The following PCCA variants were observed in gnomAD, a reference collection of about 807,000 sequenced individuals.
PCCA encodes the protein propionyl-CoA carboxylase alpha chain, mitochondrial.
A neutral mutation model predicts 101.3 loss-of-function variants in PCCA; 74 were observed. The observed-to-expected ratio is 0.73, with a 90% confidence interval of 0.61 to 0.89. The LOEUF (loss-of-function observed/expected upper bound fraction) is 0.89, where lower values mean the gene tolerates loss of function less well. Ranked by LOEUF, PCCA falls within the 40% of genes least tolerant of loss-of-function variation. The probability of loss-of-function intolerance (pLI) is 0.00; values close to 1 mark genes in which losing one functional copy is unlikely to be tolerated. For synonymous variants in PCCA, 294 were observed against 313.6 expected, an observed-to-expected ratio of 0.94 and a Z score of 0.66; for missense variants, 891 against 907.0, an observed-to-expected ratio of 0.98 and a Z score of 0.23.
At chr13:100,450,640 C>T (rs150967459) in intron 21 of PCCA, among the ~76,000 whole-genome samples, 2 of 151,886 alleles carry the variant, frequency 1.3e-5, no homozygotes, top group East Asian at 1.9e-4. Context: ...AGAGAGCTTG[C>T]GTGAAAAAGG....
intron 18 of PCCA, among the ~76,000 whole-genome samples, chr13:100,367,332 G>C (rs1041307030): frequency 6.6e-6 from 1 of 151,968 alleles, no homozygotes; most frequent in African/African-American, 2.4e-5. Flanking sequence ...CCTTTCTGGG[G>C]GGTTTTAGGT....
At chr13:100,380,131 G>A (rs1351464530) in intron 19 of PCCA, among the ~76,000 whole-genome samples, 1 of 152,126 alleles carries the variant, frequency 6.6e-6, no homozygotes, top group Non-Finnish European at 1.5e-5. Context: ...GGAGGCCAAG[G>A]CAGGAGGATG....
intron 18 of PCCA, among the ~76,000 whole-genome samples, chr13:100,357,151 A>C (rs1005630283): frequency 6.6e-6 from 1 of 152,204 alleles, no homozygotes. Context: ...ACTATACTAA[A>C]AACCATTAAC....
chr13:100,428,544 A>G (rs1484763195), intron 20 of PCCA, among the ~76,000 whole-genome samples: 3 of 152,044 alleles, frequency 2.0e-5, no homozygotes, highest in Admixed American at 2.0e-4. Context: ...ACTATGCTAT[A>G]GTACTTTGCG....
At chr13:100,186,612 C>T (rs535333593) in intron 6 of PCCA, among the ~76,000 whole-genome samples, 1 of 151,780 alleles carries the variant, frequency 6.6e-6, no homozygotes, top group South Asian at 2.1e-4. Context: ...TGTGGTGGCA[C>T]GTGCCTGTAG....
At chr13:100,304,306 G>C (rs1011655946) in intron 14 of PCCA, among the ~76,000 whole-genome samples, 1 of 152,242 alleles carries the variant, frequency 6.6e-6, no homozygotes, top group African/African-American at 2.4e-5. Flanking sequence ...AATGTTGCAT[G>C]TCAGCTAAAT....
intron 1 of PCCA, among the ~76,000 whole-genome samples, chr13:100,093,531 T>TC (rs2046465855): frequency 6.6e-6 from 1 of 152,148 alleles, no homozygotes; most frequent in Admixed American, 6.5e-5. Flanking sequence ...TTTTCTAAGT[T>TC]CCAGGTACTA....
At chr13:100,257,142 C>G (rs2062129249) in intron 8 of PCCA, among the ~76,000 whole-genome samples, 1 of 152,168 alleles carries the variant, frequency 6.6e-6, no homozygotes, top group African/African-American at 2.4e-5. Flanking sequence ...TAGGGGTTGT[C>G]TGTGACTCTT....
chr13:100,435,981 T>G (rs1214145425), intron 20 of PCCA, among the ~76,000 whole-genome samples: 1 of 151,758 alleles, frequency 6.6e-6, no homozygotes, highest in East Asian at 1.9e-4. Context: ...AGGTGGAGGT[T>G]GCAGTGAGCT....
intron 12 of PCCA, among the ~76,000 whole-genome samples, 162 bp downstream of exon 12, chr13:100,273,508 A>G (rs1378039338): frequency 2.6e-5 from 4 of 152,244 alleles, no homozygotes; most frequent in African/African-American, 7.2e-5. Flanking sequence ...AATGACGGAT[A>G]GTATCCCTCT....
chr13:100,524,033 C>T (rs1054785640), intron 22 of PCCA, among the ~76,000 whole-genome samples: 4 of 152,238 alleles, frequency 2.6e-5, no homozygotes, highest in African/African-American at 9.6e-5. Flanking sequence ...GGTGTTGCTT[C>T]CATTGGGCCC....
chr13:100,273,053 T>C, intron 11 of PCCA, 143 bp from the exon 12 acceptor site: 1 of 642,400 alleles, frequency 1.6e-6, no homozygotes, highest in Non-Finnish European at 2.8e-6. Context: ...ATAAAACATA[T>C]ATAAAGCACA....
intron 19 of PCCA, among the ~76,000 whole-genome samples, chr13:100,388,908 G>C (rs1477062262): frequency 6.6e-6 from 1 of 152,142 alleles, no homozygotes; most frequent in Non-Finnish European, 1.5e-5. Context: ...AAATGCCTTG[G>C]CTGAGTGACT....
At chr13:100,409,497 A>G (rs953753602) in intron 19 of PCCA, among the ~76,000 whole-genome samples, 5 of 152,166 alleles carry the variant, frequency 3.3e-5, no homozygotes, top group African/African-American at 1.2e-4. Flanking sequence ...CTTCTCACCC[A>G]CAGCTTAAAT....
At chr13:100,468,646 T>C (rs997836503) in intron 21 of PCCA, among the ~76,000 whole-genome samples, 4 of 152,136 alleles carry the variant, frequency 2.6e-5, no homozygotes, top group African/African-American at 9.7e-5. Context: ...TCATCCTGTG[T>C]AGAATTGAAG....
chr13:100,257,576 A>T lies in PCCA; in HGVS notation c.638-19A>T. 6.3e-7 allele frequency: 1 copy of T among 1,595,048 alleles called. No homozygotes were observed. The highest frequency in any genetic ancestry group is 8.6e-7 in the Non-Finnish European group (1 of 1,163,842). ...ATGATCAAAGTCTGAACTTCTGTCT[A>T]ATTCTTCCCTGCTGTTAGGCTACCC... is the stretch of plus-strand genomic sequence containing the variant. On this transcript the variant is annotated intron_variant, in intron 8 of 23. Coordinates refer to ENST00000376285, the MANE Select transcript of PCCA (RefSeq NM_000282.4).
At chr13:100,529,185 C>G (rs1314787081) in intron 23 of PCCA, among the ~76,000 whole-genome samples, 1 of 152,158 alleles carries the variant, frequency 6.6e-6, no homozygotes, top group Non-Finnish European at 1.5e-5. Flanking sequence ...CTGGTTCCTA[C>G]CTGCGAGGCC....
chr13:100,479,657 G>A (rs1272609195), intron 21 of PCCA: 1 of 152,018 alleles, frequency 6.6e-6, no homozygotes, highest in Non-Finnish European at 1.5e-5. Flanking sequence ...AGGAGGAGGG[G>A]GCTTGATCTT....
At chr13:100,188,865 G>A (rs1035680545) in intron 6 of PCCA, among the ~76,000 whole-genome samples, 1 of 151,410 alleles carries the variant, frequency 6.6e-6, no homozygotes, top group African/African-American at 2.4e-5. Flanking sequence ...TTTGAGAATT[G>A]TCTGTACATG....
Sources: gnomAD v4.1 joint callset for allele counts (sites outside exome capture counted in the v4.1 genomes callset) on GRCh38, gnomAD v4.1.1 for gene constraint, MANE v1.5 for transcripts, NCBI Gene and HGNC (gene_info 2026-07-23, HGNC 2026-07-21) for gene names.